UNC79: variants seen among roughly 807,000 people sequenced by gnomAD.
UNC79 encodes protein unc-79 homolog.
Under a neutral mutation model 283.1 loss-of-function variants are expected in UNC79, and 37 were observed. That is an observed-to-expected ratio of 0.13 (90% CI 0.10 to 0.17). UNC79 has a LOEUF of 0.17. UNC79 is among the 10% of genes least tolerant of loss of function. UNC79 has a pLI of 1.00. For missense variants in UNC79, 2,272 were observed against 3,211.1 expected (o/e 0.71, Z 7.07); for synonymous variants, 1,107 against 1,200.2 (o/e 0.92, Z 1.61).
At chr14:93,398,099 C>T (rs1884731635) in intron 1 of UNC79, among the ~76,000 whole-genome samples, 1 of 151,970 alleles carries the variant, frequency 6.6e-6, no homozygotes, top group South Asian at 2.1e-4. Flanking sequence ...ATGTCTTCTC[C>T]ATAATTATTA....
In UNC79 at chr14:93,528,654, T is replaced by A. The variant is rs2060653853; in HGVS notation, c.1052+8T>A. ...CAGCGAGAGGATTGCAGGGTAGGTA[T>A]AAGAGTTCTTAAAGAAAAGGAAATA... On this transcript the variant is annotated splice_region_variant and intron_variant, in intron 9 of 48. Transcript: ENST00000555664. The A allele has an allele frequency of 6.2e-7, 1 of 1,611,892 alleles. No individual in the cohort carries two copies. The highest frequency in any genetic ancestry group is 1.1e-5 in the South Asian group (1 of 90,704).
At chr14:93,423,264 A>G (rs1194642254) in intron 1 of UNC79, among the ~76,000 whole-genome samples, 1 of 152,156 alleles carries the variant, frequency 6.6e-6, no homozygotes, top group Non-Finnish European at 1.5e-5. Flanking sequence ...AAGAATTAAT[A>G]TTGTTAAAAT....
At chr14:93,630,870 C>G (rs753045367) in exon 31 of UNC79, 1 of 1,614,046 alleles carries the variant, frequency 6.2e-7, no homozygotes, top group Non-Finnish European at 8.5e-7. Context: ...ACGTTAGATG[C>G]AGGTGTGCCG....
intron 42 of UNC79, among the ~76,000 whole-genome samples, chr14:93,684,337 G>A (rs188327634): frequency 1.3e-5 from 2 of 152,238 alleles, no homozygotes; most frequent in African/African-American, 4.8e-5. Context: ...TTAGGAATAT[G>A]TCTGAGAAAA....
At chr14:93,495,610 G>T (rs2058982184) in intron 5 of UNC79, among the ~76,000 whole-genome samples, 1 of 152,186 alleles carries the variant, frequency 6.6e-6, no homozygotes, top group South Asian at 2.1e-4. Context: ...TGAAGCCAAG[G>T]AGTGTTTCAA....
intron 18 of UNC79, among the ~76,000 whole-genome samples, chr14:93,578,774 T>A (rs1275780969): frequency 6.6e-6 from 1 of 152,204 alleles, no homozygotes; most frequent in African/African-American, 2.4e-5. Context: ...TACTACTACA[T>A]AACTTGCAGA....
intron 1 of UNC79, among the ~76,000 whole-genome samples, chr14:93,398,803 T>C (rs2055047544): frequency 6.6e-6 from 1 of 150,662 alleles, no homozygotes; most frequent in African/African-American, 2.5e-5. Context: ...CTTTGAATAA[T>C]ATGTAGGGTT....
intron 1 of UNC79, among the ~76,000 whole-genome samples, chr14:93,383,625 G>T (rs1486275115): frequency 6.6e-6 from 1 of 152,176 alleles, no homozygotes; most frequent in Non-Finnish European, 1.5e-5. Flanking sequence ...TGCTGGTGTT[G>T]CCTTGATGTT....
rs1420187555 is a variant in UNC79, at chr14:93,412,486, T to G, written c.-350-55185T>G. On this transcript the variant is annotated intron_variant, in intron 1 of 49. Transcript: ENST00000256339. ...CCAAAGAAGACTACCTCAAGGCATT[T>G]AATATCAAACTACCAAAGGTCAAGG... Among the ~76,000 whole-genome samples, 7 of 73,428 alleles carry G rather than the reference T, an allele frequency of 9.5e-5. No individual in the cohort carries two copies. In the Admixed American group the frequency reaches 1.1e-3, roughly 12 times the overall value. The allele number at this position is 73,428 out of a possible 152,430, so 48.2% of individuals were successfully genotyped here.
intron 31 of UNC79, among the ~76,000 whole-genome samples, chr14:93,635,734 T>C (rs2068456655): frequency 6.6e-6 from 1 of 152,242 alleles, no homozygotes. Context: ...AAGGGTTCTT[T>C]ACATTGTAAA....
intron 14 of UNC79, among the ~76,000 whole-genome samples, chr14:93,556,545 A>T (rs1229471346): frequency 6.6e-6 from 1 of 152,162 alleles, no homozygotes; most frequent in African/African-American, 2.4e-5. Context: ...TTCTCCCAAA[A>T]CAGGAGTCTG....
chr14:93,517,688 C>T (rs1484735484), intron 7 of UNC79, among the ~76,000 whole-genome samples: 1 of 151,970 alleles, frequency 6.6e-6, no homozygotes, highest in Admixed American at 6.6e-5. Context: ...CCATCCCCCA[C>T]CATTTCATCT....
At chr14:93,658,732 T>A (rs529920438) in intron 38 of UNC79, among the ~76,000 whole-genome samples, 10 of 152,312 alleles carry the variant, frequency 6.6e-5, no homozygotes, top group East Asian at 1.9e-4. Context: ...ATGGTTTTTT[T>A]AAAAATAGAT....
At position 93,474,423 on chromosome 14, in the gene UNC79, G is replaced by A. The variant is rs1000396682; in HGVS notation, c.448+30G>A. The A allele has an allele frequency of 6.6e-7, 1 of 1,521,140 alleles. No homozygotes were observed. Among genetic ancestry groups the A allele is most frequent in the African/African-American group, 1.4e-5 (1 of 72,854 alleles). The allele number at this position is 1,521,140 out of a possible 1,614,324, so 94.2% of individuals were successfully genotyped here. A position where few individuals can be genotyped will look rare whatever the true frequency, so the allele number is the denominator to read the frequency against. On this transcript the variant is annotated intron_variant, in intron 3 of 48. Coordinates refer to ENST00000555664, the Ensembl canonical transcript of UNC79. The surrounding 1 kb of genome is among the most constrained non-coding windows in gnomAD (Gnocchi z 4.1). ...GCACTTAGCTGAAACCTTTGGAAAT[G>A]TACGTGGATGCTTATGAATGTATAT...
chr14:93,355,274 T>G (rs1370197358), intron 1 of UNC79, among the ~76,000 whole-genome samples: 1 of 152,092 alleles, frequency 6.6e-6, no homozygotes, highest in East Asian at 1.9e-4. Flanking sequence ...GCTCACTCAC[T>G]GCAACCTCCG....
intron 15 of UNC79, 36 bp from the exon 16 acceptor site, chr14:93,572,657 C>T (rs1414993163): frequency 1.2e-6 from 2 of 1,612,238 alleles, no homozygotes; most frequent in East Asian, 2.2e-5. Context: ...CAATCTATGC[C>T]CATTGGTCAT....
At chr14:93,341,604 C>CA (rs952789518) in intron 1 of UNC79, among the ~76,000 whole-genome samples, 4,741 of 62,648 alleles carry the variant, frequency 0.076, 252 homozygotes, top group African/African-American at 0.17. Flanking sequence ...TCTGTCTCTA[C>CA]AAAAAAAAAA....
intron 22 of UNC79, among the ~76,000 whole-genome samples, chr14:93,588,266 A>G (rs560613092): frequency 4.9e-4 from 75 of 152,260 alleles, no homozygotes; most frequent in Non-Finnish European, 7.2e-4. Context: ...ATGAGTATGG[A>G]GAAAAGAGAG....
intron 41 of UNC79, 37 bp from the exon 45 acceptor site, chr14:93,682,580 A>G (rs1286726613): frequency 6.5e-7 from 1 of 1,547,902 alleles, no homozygotes; most frequent in Non-Finnish European, 8.9e-7. Flanking sequence ...ATGTCCAGAT[A>G]CCCTTAAAAA....
Sources: gnomAD v4.1 joint callset for allele counts (sites outside exome capture counted in the v4.1 genomes callset) on GRCh38, gnomAD v4.1.1 for gene constraint, Gnocchi (gnomAD v3.1) non-coding constraint, MANE v1.5 for transcripts, NCBI Gene and HGNC (gene_info 2026-07-23, HGNC 2026-07-21) for gene names.